Variants in SORCS2 observed in about 807,000 individuals in gnomAD.
The protein encoded by SORCS2 is sortilin related VPS10 domain containing receptor 2.
SORCS2 carries 100 observed loss-of-function variants against 141.6 expected under a neutral mutation model. The observed-to-expected ratio is 0.71, with a 90% CI of 0.60 to 0.83. The LOEUF (loss-of-function observed/expected upper bound fraction) is 0.83, where lower values mean the gene tolerates loss of function less well. Ranked by LOEUF, SORCS2 falls within the 40% of genes least tolerant of loss-of-function variation. The pLI is 0.00. For missense variants in SORCS2, 1,646 were observed against 1,560.2 expected (o/e 1.05, Z -0.93); for synonymous variants, 789 against 676.9 (o/e 1.17, Z -2.57).
At chr4:7,554,413 C>A (rs1202934371) in intron 3 of SORCS2, among the ~76,000 whole-genome samples, 1 of 152,134 alleles carries the variant, frequency 6.6e-6, no homozygotes, top group East Asian at 1.9e-4. Context: ...CATGTGGGAC[C>A]TTCCTCTTCC....
chr4:7,310,422 A>G (rs1030869110), intron 1 of SORCS2: 6 of 154,338 alleles, frequency 3.9e-5, no homozygotes, highest in Non-Finnish European at 5.9e-5. Flanking sequence ...TAAAAATGGC[A>G]TTTATTAAAT....
At position 7,612,807 on chromosome 4, in the gene SORCS2, C is replaced by T. The variant is rs112055535; in HGVS notation, c.649-25521C>T. ...CTTCGCGGACGTGGGAGAGAATGAA[C>T]GTTAGGCCTGGTACAAAGCCTGGCC... is the stretch of plus-strand genomic sequence containing the variant. On this transcript the variant is annotated intron_variant, in intron 3 of 26. Transcript: ENST00000507866. Among the ~76,000 whole-genome samples, 540 of 152,294 alleles carry T rather than the reference C, an allele frequency of 3.5e-3. 4 individuals are homozygous for T. Among genetic ancestry groups the T allele is most frequent in the African/African-American group, 0.013 (520 of 41,564 alleles).
intron 2 of SORCS2, among the ~76,000 whole-genome samples, chr4:7,444,103 C>A (rs1437341868): frequency 6.6e-6 from 1 of 152,208 alleles, no homozygotes; most frequent in African/African-American, 2.4e-5. Context: ...TAGGCAGATC[C>A]TAAAAGCAAA....
intron 1 of SORCS2, among the ~76,000 whole-genome samples, chr4:7,376,513 G>T (rs1267401417): frequency 1.3e-5 from 2 of 152,192 alleles, no homozygotes; most frequent in African/African-American, 4.8e-5. Context: ...GGAGGTGGAG[G>T]TTGCAATGAG....
At chr4:7,478,509 C>A (rs1730437915) in intron 2 of SORCS2, among the ~76,000 whole-genome samples, 1 of 152,118 alleles carries the variant, frequency 6.6e-6, no homozygotes, top group African/African-American at 2.4e-5. Flanking sequence ...ATTACTCTTT[C>A]CCTTGAGGCA....
chr4:7,391,395 C>A (rs1723855169), intron 1 of SORCS2, among the ~76,000 whole-genome samples: 2 of 152,158 alleles, frequency 1.3e-5, no homozygotes, highest in African/African-American at 4.8e-5. Flanking sequence ...GAGACGTAGC[C>A]CAGGCCCCTC....
intron 3 of SORCS2, among the ~76,000 whole-genome samples, chr4:7,581,188 GA>G (rs1716118994): frequency 6.8e-6 from 1 of 148,146 alleles, no homozygotes; most frequent in Non-Finnish European, 1.5e-5. Flanking sequence ...GTTTTTTAAT[GA>G]AAAAGGAAAA....
At chr4:7,223,358 G>A (rs1728823604) in intron 1 of SORCS2, among the ~76,000 whole-genome samples, 2 of 152,020 alleles carry the variant, frequency 1.3e-5, no homozygotes, top group Admixed American at 1.3e-4. Context: ...TGCACCTAAT[G>A]TTATATTGTA....
At chr4:7,294,297 G>A (rs1175450733) in intron 1 of SORCS2, among the ~76,000 whole-genome samples, 2 of 152,164 alleles carry the variant, frequency 1.3e-5, no homozygotes, top group Admixed American at 1.3e-4. Context: ...TGGGGCCAAG[G>A]CCTATTTGGG....
chr4:7,280,752 A>G (rs1463519818), intron 1 of SORCS2, among the ~76,000 whole-genome samples: 1 of 152,178 alleles, frequency 6.6e-6, no homozygotes, highest in African/African-American at 2.4e-5. Flanking sequence ...CTTTTGTAAA[A>G]TACAGAGATG....
chr4:7,494,495 C>A (rs1050155022), intron 2 of SORCS2, among the ~76,000 whole-genome samples: 1 of 145,674 alleles, frequency 6.9e-6, no homozygotes, highest in Non-Finnish European at 1.5e-5. Context: ...TCTGCCTCCT[C>A]GCTGTGTCGT....
intron 25 of SORCS2, among the ~76,000 whole-genome samples, 155 bp from the exon 26 acceptor site, chr4:7,736,914 C>T (rs1712225322): frequency 6.6e-6 from 1 of 152,120 alleles, no homozygotes; most frequent in Non-Finnish European, 1.5e-5. Flanking sequence ...AGAGATGGGG[C>T]AGGAGGCAAA....
chr4:7,382,822 C>T (rs1029199235), intron 1 of SORCS2, among the ~76,000 whole-genome samples: 1 of 152,088 alleles, frequency 6.6e-6, no homozygotes, highest in Admixed American at 6.6e-5. Context: ...GTGTAAACAG[C>T]TGCGGGGCCC....
chr4:7,603,663 CCTCT>C (rs1185777859), intron 3 of SORCS2, among the ~76,000 whole-genome samples: 5 of 152,140 alleles, frequency 3.3e-5, no homozygotes, highest in African/African-American at 4.8e-5. Context: ...CTAATTAATT[CCTCT>C]CTCTATTGTT....
intron 2 of SORCS2, among the ~76,000 whole-genome samples, chr4:7,425,539 C>A (rs1156663727): frequency 6.6e-6 from 1 of 152,208 alleles, no homozygotes; most frequent in Admixed American, 6.5e-5. Flanking sequence ...GGATTAGAAG[C>A]CCGACACCTG....
intron 1 of SORCS2, among the ~76,000 whole-genome samples, chr4:7,207,373 A>G (rs1167264149): frequency 1.3e-5 from 2 of 152,098 alleles, no homozygotes; most frequent in Non-Finnish European, 2.9e-5. Context: ...AGCCGACGTG[A>G]GTCACCGGGC....
intron 11 of SORCS2, among the ~76,000 whole-genome samples, chr4:7,695,563 C>G (rs188856206): frequency 0.49 from 1,687 of 3,434 alleles, 719 homozygotes; most frequent in Middle Eastern, 1. Context: ...TGGATGGATG[C>G]ATGGATGGAT....
At chr4:7,654,312 G>A in intron 5 of SORCS2, 105 bp downstream of exon 5, 2 of 1,189,410 alleles carry the variant, frequency 1.7e-6, no homozygotes, top group South Asian at 1.4e-5. Flanking sequence ...TTCCTCCTCT[G>A]GACCCTCCCC....
chr4:7,387,908 ACACATGCACACACC>A (rs1478547627), intron 1 of SORCS2, among the ~76,000 whole-genome samples: 2 of 151,476 alleles, frequency 1.3e-5, no homozygotes, highest in Admixed American at 6.6e-5. Context: ...AGAGATATAC[ACACATGCACACACC>A]CACATGCACA....
Sources: allele counts gnomAD v4.1 joint callset (sites outside exome capture counted in the v4.1 genomes callset), GRCh38; gene constraint gnomAD v4.1.1; transcripts MANE v1.5; gene names NCBI Gene and HGNC (gene_info 2026-07-23, HGNC 2026-07-21).